C8orf34: variants seen among roughly 807,000 people sequenced by gnomAD.
C8orf34 encodes chromosome 8 open reading frame 34.
C8orf34 carries 65 observed loss-of-function variants against 68.3 expected under a neutral mutation model. The ratio of observed to expected loss-of-function variants is 0.95; its 90% CI spans 0.78 to 1.17. The LOEUF is 1.17. C8orf34 is among the 50% of genes most tolerant of loss of function. C8orf34 has a pLI of 0.00. For missense variants in C8orf34, 664 were observed against 655.4 expected, an observed-to-expected ratio of 1.01 and a Z score of -0.14; for synonymous variants, 244 against 241.2, an observed-to-expected ratio of 1.01 and a Z score of -0.11.
intron 1 of C8orf34, among the ~76,000 whole-genome samples, chr8:68,358,829 C>T (rs1233020530): frequency 6.6e-6 from 1 of 151,938 alleles, no homozygotes; most frequent in African/African-American, 2.4e-5. Flanking sequence ...CCTCAGCCTC[C>T]TGAGTGTACA....
At chr8:68,561,647 A>G (rs1217936782) in intron 7 of C8orf34, among the ~76,000 whole-genome samples, 2 of 152,146 alleles carry the variant, frequency 1.3e-5, no homozygotes, top group Non-Finnish European at 2.9e-5. Context: ...ATTCCCAGCT[A>G]CTTGGGAGGC....
At chr8:68,793,692 A>G (rs920544416) in intron 12 of C8orf34, among the ~76,000 whole-genome samples, 3 of 152,198 alleles carry the variant, frequency 2.0e-5, no homozygotes, top group Admixed American at 2.0e-4. Context: ...AGAATAGCTA[A>G]TGGATGCTGG....
rs556662095 is a variant in C8orf34 at position 68,439,333 on chromosome 8, G to C, written c.328-166G>C. ...CTCTGTTATTGTTTCCTCAGAATGAGGGCAGTAACTTGTAGCCGTCTGAAA... is the reference window on the plus strand; with the variant it reads ...CTCTGTTATTGTTTCCTCAGAATGACGGCAGTAACTTGTAGCCGTCTGAAA... On this transcript the variant is annotated intron_variant, in intron 1 of 13. Coordinates refer to ENST00000518698, the MANE Select transcript of C8orf34 (RefSeq NM_052958.4). 23 of 547,334 alleles carry C rather than the reference G, an allele frequency of 4.2e-5. No individual in the cohort carries two copies. In the East Asian group the frequency reaches 6.4e-4, roughly 15 times the overall value. 33.9% of individuals were successfully genotyped at this position (547,334 alleles called of 1,614,324 possible).
At chr8:68,414,779 G>A (rs373897491) in intron 1 of C8orf34, among the ~76,000 whole-genome samples, 4 of 152,180 alleles carry the variant, frequency 2.6e-5, no homozygotes, top group East Asian at 1.9e-4. Flanking sequence ...GTTTTATTAG[G>A]TGTGGTTCCT....
intron 7 of C8orf34, among the ~76,000 whole-genome samples, chr8:68,551,707 T>C (rs1816077753): frequency 6.6e-6 from 1 of 152,084 alleles, no homozygotes; most frequent in African/African-American, 2.4e-5. Context: ...TTCTATAGTC[T>C]CATGATTGCA....
chr8:68,754,844 G>A (rs1016799121), intron 10 of C8orf34, among the ~76,000 whole-genome samples: 1 of 152,096 alleles, frequency 6.6e-6, no homozygotes, highest in African/African-American at 2.4e-5. Flanking sequence ...AATTTTTCAG[G>A]GCAACTGTAC....
intron 7 of C8orf34, among the ~76,000 whole-genome samples, chr8:68,537,396 A>G (rs919701359): frequency 6.6e-5 from 10 of 151,988 alleles, no homozygotes; most frequent in Admixed American, 4.6e-4. Flanking sequence ...AAAAGTTATC[A>G]CCTTAAAATG....
chr8:68,468,621 C>A, intron 3 of C8orf34, 71 bp from the exon 4 acceptor site: 1 of 1,465,172 alleles, frequency 6.8e-7, no homozygotes, highest in Non-Finnish European at 9.4e-7. Flanking sequence ...CAGTCTTTCA[C>A]GTGATGATGA....
chr8:68,637,263 T>C (rs1392794294), intron 7 of C8orf34, among the ~76,000 whole-genome samples: 1 of 152,096 alleles, frequency 6.6e-6, no homozygotes, highest in African/African-American at 2.4e-5. Context: ...TAGTCTTCTG[T>C]TTGCATGGTT....
chr8:68,386,664 G>A (rs1808275083), intron 1 of C8orf34, among the ~76,000 whole-genome samples: 1 of 152,016 alleles, frequency 6.6e-6, no homozygotes, highest in African/African-American at 2.4e-5. Context: ...AAATATTAAG[G>A]GATTTTCTTC....
chr8:68,721,268 A>G, intron 9 of C8orf34, 93 bp from the exon 10 acceptor site: 5 of 785,526 alleles, frequency 6.4e-6, no homozygotes, highest in Non-Finnish European at 8.1e-6. Flanking sequence ...ACCCAATTCC[A>G]TCATTTTATT....
rs1456738233 is a variant in C8orf34 at position 68,419,434 on chromosome 8, T to C, written c.328-20065T>C. ...AGTCAGTGTGGTGATTCCTCAGGGA[T>C]CTAGAACTAGAAATACCATTTGACC... On this transcript the variant is annotated intron_variant, in intron 1 of 13. Transcript: ENST00000518698. Among the ~76,000 whole-genome samples the C allele has an allele frequency of 3.3e-5, 5 of 150,374 alleles. 1 individual carries two copies. Among genetic ancestry groups the C allele is most frequent in the African/African-American group, 1.0e-4 (4 of 40,126 alleles).
intron 8 of C8orf34, among the ~76,000 whole-genome samples, chr8:68,674,518 C>T (rs10101154): frequency 0.22 from 32,929 of 151,778 alleles, 3,846 homozygotes; most frequent in Middle Eastern, 0.36. Context: ...CTGAAACATA[C>T]ATCAGAGTCT....
intron 5 of C8orf34, among the ~76,000 whole-genome samples, chr8:68,509,614 AAAG>A (rs1481683781): frequency 2.0e-5 from 3 of 152,148 alleles, no homozygotes; most frequent in East Asian, 1.9e-4. Flanking sequence ...GAGAAATAAA[AAAG>A]AAGGCATTTT....
intron 1 of C8orf34, 52 bp from the exon 2 acceptor site, chr8:68,439,446 AT>A: frequency 6.4e-7 from 1 of 1,560,926 alleles, no homozygotes; most frequent in Non-Finnish European, 8.8e-7. Context: ...AGTGCTTGCT[AT>A]TACTGTTGCT....
intron 10 of C8orf34, among the ~76,000 whole-genome samples, chr8:68,774,984 G>A: frequency 9.4e-6 from 1 of 106,600 alleles, no homozygotes; most frequent in Middle Eastern, 5.2e-3. Flanking sequence ...GGGCGGGGTG[G>A]CACATGTCTG....
chr8:68,577,294 T>A (rs1263411324), intron 7 of C8orf34, among the ~76,000 whole-genome samples: 1 of 152,026 alleles, frequency 6.6e-6, no homozygotes, highest in Admixed American at 6.6e-5. Context: ...GAGTTCTATA[T>A]GCTTCTTAAA....
At chr8:68,620,337 T>C (rs184922215) in intron 7 of C8orf34, among the ~76,000 whole-genome samples, 39 of 151,244 alleles carry the variant, frequency 2.6e-4, no homozygotes, top group African/African-American at 9.2e-4. Flanking sequence ...CAGGAAGAGG[T>C]TGGGGTTGGC....
intron 5 of C8orf34, among the ~76,000 whole-genome samples, chr8:68,510,592 G>A (rs1020240057): frequency 2.0e-5 from 3 of 152,022 alleles, no homozygotes; most frequent in Admixed American, 2.0e-4. Context: ...CGTATGATAA[G>A]TTTTGAAACA....
Sources: gnomAD v4.1 joint callset for allele counts (sites outside exome capture counted in the v4.1 genomes callset) on GRCh38, gnomAD v4.1.1 for gene constraint, MANE v1.5 for transcripts, NCBI Gene and HGNC (gene_info 2026-07-23, HGNC 2026-07-21) for gene names.